Variants in DRAM1 observed in about 807,000 individuals in gnomAD.
The protein encoded by DRAM1 is DNA damage regulated autophagy modulator 1, also known as DNA damage-regulated autophagy modulator protein 1.
A neutral mutation model predicts 28.5 loss-of-function variants in DRAM1; 25 were observed. The ratio of observed to expected loss-of-function variants is 0.88; its 90% CI spans 0.64 to 1.23. The LOEUF (loss-of-function observed/expected upper bound fraction) is 1.23, where lower values mean the gene tolerates loss of function less well. DRAM1 is among the 50% of genes most tolerant of loss of function. DRAM1 has a pLI of 0.00. For synonymous variants in DRAM1, 113 were observed against 114.2 expected, an observed-to-expected ratio of 0.99 and a Z score of 0.07; for missense variants, 249 against 299.2, an observed-to-expected ratio of 0.83 and a Z score of 1.24.
chr12:101,889,990 T>C (rs976837855), intron 1 of DRAM1: 2 of 441,138 alleles, frequency 4.5e-6, no homozygotes, highest in Non-Finnish European at 4.5e-6. Context: ...CTTTCTAATG[T>C]TGTGAAGATC....
At chr12:101,895,195 T>TTTTTTGTTTTTTTTTTTTTTG (rs1566123833) in intron 1 of DRAM1, among the ~76,000 whole-genome samples, 3 of 127,146 alleles carry the variant, frequency 2.4e-5, no homozygotes, top group Non-Finnish European at 4.8e-5. Context: ...GGTTTTTTTT[T>TTTTTTGTTTTTTTTTTTTTTG]TTTTTTTTTT....
rs1200964507 is a variant in DRAM1 at position 101,877,618 on chromosome 12, C to G, written c.-172C>G. The G allele has an allele frequency of 3.3e-5, 12 of 367,496 alleles. No homozygotes were observed. Among genetic ancestry groups the G allele is most frequent in the Admixed American group, 5.0e-5 (1 of 19,990 alleles). The allele number at this position is 367,496 out of a possible 1,614,324, so 22.8% of individuals were successfully genotyped here. Reference sequence around the variant, plus strand: ...AGCCTCGCCGCCCGCAGCCTCGCTCCGCTCCTCGCGCTTCCCCTCCCTCCG... The same window carrying G: ...AGCCTCGCCGCCCGCAGCCTCGCTCGGCTCCTCGCGCTTCCCCTCCCTCCG... On this transcript the variant is annotated 5_prime_UTR_variant, in exon 1 of 7. Coordinates refer to ENST00000258534, the MANE Select transcript of DRAM1 (RefSeq NM_018370.3). This position sits in a 1 kb window ranked among gnomAD's most constrained non-coding sequence, Gnocchi z 4.1.
In DRAM1 at chr12:101,877,770, T is replaced by TCGGCGGCGG. The variant is rs199915928; in HGVS notation, c.-11_-3dup. 1.6e-4 allele frequency: 230 copies of TCGGCGGCGG among 1,477,496 alleles called. No homozygotes were observed. In the African/African-American group the frequency reaches 3.0e-3, roughly 19 times the overall value. The allele number at this position is 1,477,496 out of a possible 1,614,324, so 91.5% of individuals were successfully genotyped here. A position where few individuals can be genotyped will look rare whatever the true frequency, so the allele number is the denominator to read the frequency against. On this transcript the variant is annotated 5_prime_UTR_variant, in exon 1 of 7. Transcript: ENST00000258534. The surrounding 1 kb of genome is among the most constrained non-coding windows in gnomAD (Gnocchi z 4.1). The stretch of plus-strand genomic sequence containing the variant: ...CGGCCCCGCTGGGCGCAGCACTCCG[T>TCGGCGGCGG]CGGCGGCGGCGGCGGCGCGATGCTG...
chr12:101,906,150 T>G (rs1873799400), intron 3 of DRAM1, among the ~76,000 whole-genome samples: 1 of 152,250 alleles, frequency 6.6e-6, no homozygotes, highest in Non-Finnish European at 1.5e-5. Flanking sequence ...TGCAGTCATA[T>G]TTGAATATAA....
chr12:101,923,102 A>G lies in DRAM1; in HGVS notation c.*1842A>G, dbSNP rs1393471038. 2.0e-5 allele frequency: 3 copies of G among 152,144 alleles called. No individual in the cohort carries two copies. Among genetic ancestry groups the G allele is most frequent in the African/African-American group, 7.2e-5 (3 of 41,402 alleles). The allele number at this position is 152,144 out of a possible 1,614,324, so 9.4% of individuals were successfully genotyped here. A position where few individuals can be genotyped will look rare whatever the true frequency, so the allele number is the denominator to read the frequency against. On this transcript the variant is annotated 3_prime_UTR_variant, in exon 7 of 7. Transcript: ENST00000258534. Reference sequence around the variant, plus strand: ...GTGAGACCCTGTCTCAAAAATAAATAAATAAATAAATGAATAAAGAGAATG... The same window carrying G: ...GTGAGACCCTGTCTCAAAAATAAATGAATAAATAAATGAATAAAGAGAATG...
At chr12:101,897,715 T>G (rs574656761) in intron 1 of DRAM1, 148 bp from the exon 2 acceptor site, 1 of 631,410 alleles carries the variant, frequency 1.6e-6, no homozygotes, top group African/African-American at 1.9e-5. Flanking sequence ...ATGAAAATAC[T>G]TTAGAACAAA....
At chr12:101,912,876 C>T (rs577515163) in intron 4 of DRAM1, among the ~76,000 whole-genome samples, 25 of 151,932 alleles carry the variant, frequency 1.6e-4, no homozygotes, top group African/African-American at 4.8e-4. Flanking sequence ...TACAGGTGCA[C>T]GCCACCATGC....
chr12:101,898,409 A>G (rs1873469302), intron 2 of DRAM1, among the ~76,000 whole-genome samples: 1 of 152,226 alleles, frequency 6.6e-6, no homozygotes, highest in Non-Finnish European at 1.5e-5. Context: ...ATAAAAAATT[A>G]TGGCTTTATT....
At chr12:101,906,854 C>CAAAAAAAAAAAAAAAAAAAA (rs751751554) in intron 3 of DRAM1, among the ~76,000 whole-genome samples, 1 of 67,488 alleles carries the variant, frequency 1.5e-5, no homozygotes, top group Non-Finnish European at 3.0e-5. Flanking sequence ...GACTCTGCCT[C>CAAAAAAAAAAAAAAAAAAAA]AAAAAAAAAA....
chr12:101,899,608 G>A (rs567917278), intron 2 of DRAM1, among the ~76,000 whole-genome samples: 1 of 151,192 alleles, frequency 6.6e-6, no homozygotes, highest in African/African-American at 2.4e-5. Flanking sequence ...GAGCCCAGGA[G>A]GTCAAGGCTG....
chr12:101,908,453 G>C lies in DRAM1; in HGVS notation c.520+90G>C. On this transcript the variant is annotated intron_variant, in intron 4 of 6. Coordinates refer to ENST00000258534, the MANE Select transcript of DRAM1 (RefSeq NM_018370.3). ...GGGTAATGAAGACTTTATAGGGACC[G>C]CTGCAATGAGTTCTGACAGCAGGGC... The C allele has an allele frequency of 2.3e-6, 3 of 1,312,736 alleles. No homozygotes were observed. In the Admixed American group the frequency reaches 6.6e-5, roughly 29 times the overall value. 81.3% of individuals were successfully genotyped at this position (1,312,736 alleles called of 1,614,324 possible). A position where few individuals can be genotyped will look rare whatever the true frequency, so the allele number is the denominator to read the frequency against.
chr12:101,888,786 A>ATTT lies in DRAM1; in HGVS notation c.132-9049_132-9047dup, dbSNP rs34825466. Among the ~76,000 whole-genome samples the ATTT allele has an allele frequency of 6.5e-5, 7 of 107,940 alleles. 1 individual carries two copies. The highest frequency in any genetic ancestry group is 1.1e-4 in the Non-Finnish European group (6 of 56,850). The allele number at this position is 107,940 out of a possible 152,430, so 70.8% of individuals were successfully genotyped here. A position where few individuals can be genotyped will look rare whatever the true frequency, so the allele number is the denominator to read the frequency against. On this transcript the variant is annotated intron_variant, in intron 1 of 6. Coordinates refer to ENST00000258534, the MANE Select transcript of DRAM1 (RefSeq NM_018370.3). The stretch of plus-strand genomic sequence containing the variant: ...GGGCTGATGACTTTCAAACATCTCA[A>ATTT]TTTTTTTTTTTTTTTTTTTTTTTTT...
At chr12:101,890,730 A>T (rs1873086333) in intron 1 of DRAM1, among the ~76,000 whole-genome samples, 1 of 147,572 alleles carries the variant, frequency 6.8e-6, no homozygotes, top group East Asian at 2.0e-4. Flanking sequence ...ATATAGCTGA[A>T]GGGTGCCCCC....
chr12:101,904,591 G>A (rs1479924610), intron 3 of DRAM1, among the ~76,000 whole-genome samples: 7 of 151,332 alleles, frequency 4.6e-5, no homozygotes, highest in Admixed American at 1.3e-4. Flanking sequence ...ACAGGCGCCC[G>A]CCACCACGCC....
chr12:101,896,263 C>G (rs1412991931), intron 1 of DRAM1, among the ~76,000 whole-genome samples: 4 of 152,206 alleles, frequency 2.6e-5, no homozygotes, highest in Non-Finnish European at 5.9e-5. Flanking sequence ...TCTGCACACA[C>G]AGGCTCCTTG....
At chr12:101,878,041 G>T (rs1872558350) in intron 1 of DRAM1, 121 bp downstream of exon 1, 1 of 1,290,818 alleles carries the variant, frequency 7.7e-7, no homozygotes, top group Non-Finnish European at 1.0e-6. Context: ...AGGCAGAGGT[G>T]GGAGCAGGAG....
intron 3 of DRAM1, among the ~76,000 whole-genome samples, chr12:101,902,273 C>T (rs559457253): frequency 2.6e-5 from 4 of 152,232 alleles, no homozygotes; most frequent in Non-Finnish European, 5.9e-5. Flanking sequence ...AAGATAGGCA[C>T]TATTATTTTC....
chr12:101,895,473 C>T (rs1873325417), intron 1 of DRAM1, among the ~76,000 whole-genome samples: 1 of 151,456 alleles, frequency 6.6e-6, no homozygotes, highest in Non-Finnish European at 1.5e-5. Context: ...CCACTATACC[C>T]AGCCTAAATC....
At chr12:101,904,276 C>T (rs1488715143) in intron 3 of DRAM1, among the ~76,000 whole-genome samples, 1 of 151,490 alleles carries the variant, frequency 6.6e-6, no homozygotes, top group Non-Finnish European at 1.5e-5. Flanking sequence ...TGTGAGCCAT[C>T]GTGCCCAGCC....
Sources: allele counts gnomAD v4.1 joint callset (sites outside exome capture counted in the v4.1 genomes callset), GRCh38; gene constraint gnomAD v4.1.1; non-coding constraint Gnocchi (gnomAD v3.1); transcripts MANE v1.5; gene names NCBI Gene and HGNC (gene_info 2026-07-23, HGNC 2026-07-21).